The following ROBO1 variants were observed in gnomAD, a reference collection of about 807,000 sequenced individuals.
ROBO1 encodes roundabout guidance receptor 1.
In ROBO1, 149 loss-of-function variants were observed where a neutral mutation model predicts 195.9. The observed-to-expected ratio is 0.76, with a 90% CI of 0.67 to 0.87. ROBO1 has a LOEUF of 0.87. Ranked by LOEUF, ROBO1 falls within the 40% of genes least tolerant of loss-of-function variation. The pLI is 0.00. For missense variants in ROBO1, 1,933 were observed against 2,068.3 expected (o/e 0.93, Z 1.27); for synonymous variants, 816 against 733.2 (o/e 1.11, Z -1.82).
chr3:79,360,089 A>T (rs1235559207), intron 2 of ROBO1, among the ~76,000 whole-genome samples: 4 of 152,076 alleles, frequency 2.6e-5, no homozygotes, highest in African/African-American at 9.7e-5. Context: ...TGTTCTCTGC[A>T]AATGTTTTGG....
At chr3:79,102,685 T>A (rs928155893) in intron 3 of ROBO1, among the ~76,000 whole-genome samples, 4 of 151,856 alleles carry the variant, frequency 2.6e-5, no homozygotes, top group African/African-American at 9.7e-5. Flanking sequence ...TATTTTTACT[T>A]CACTTGGACA....
intron 2 of ROBO1, among the ~76,000 whole-genome samples, chr3:79,505,126 G>C (rs1201336823): frequency 6.6e-6 from 1 of 152,096 alleles, no homozygotes; most frequent in African/African-American, 2.4e-5. Flanking sequence ...GGTGAAACTG[G>C]TGTGAATTTG....
intron 1 of ROBO1, among the ~76,000 whole-genome samples, chr3:79,619,874 C>A (rs1017557502): frequency 2.6e-5 from 4 of 152,060 alleles, no homozygotes; most frequent in African/African-American, 9.7e-5. Flanking sequence ...TGGATTCCAG[C>A]CCTCAAACCC....
At chr3:79,036,472 C>T (rs1456418005) in intron 3 of ROBO1, among the ~76,000 whole-genome samples, 2 of 152,024 alleles carry the variant, frequency 1.3e-5, no homozygotes, top group Non-Finnish European at 2.9e-5. Context: ...ATATAAACAT[C>T]TTTTAAGTCT....
intron 2 of ROBO1, among the ~76,000 whole-genome samples, chr3:79,371,719 C>T (rs754119423): frequency 2.2e-4 from 34 of 152,066 alleles, no homozygotes; most frequent in Non-Finnish European, 3.1e-4. Context: ...ATATTTGTGT[C>T]CCCTGAATTT....
intron 3 of ROBO1, among the ~76,000 whole-genome samples, chr3:79,022,863 C>T (rs1039259921): frequency 3.9e-5 from 6 of 152,040 alleles, no homozygotes; most frequent in Admixed American, 1.3e-4. Flanking sequence ...TCAGTAGTCC[C>T]GTGAAGAAGG....
chr3:79,311,920 G>T (rs1445030611), intron 2 of ROBO1, among the ~76,000 whole-genome samples: 1 of 151,960 alleles, frequency 6.6e-6, no homozygotes, highest in Non-Finnish European at 1.5e-5. Flanking sequence ...AGTGTCTACA[G>T]GTCTCTATAT....
rs182159203 is a variant in ROBO1, at chr3:78,730,039, G to A, written c.658-12156C>T. ...TGAATTTACATACAGTCACAGCTAA[G>A]ACAGCCTGAAATAAAAATCTACAAG... On this transcript the variant is annotated intron_variant, in intron 5 of 30. Coordinates refer to ENST00000464233, the MANE Select transcript of ROBO1 (RefSeq NM_002941.4). 2.3e-3 allele frequency among the ~76,000 whole-genome samples: 353 copies of A among 152,216 alleles called. 3 individuals carry two copies. In the Middle Eastern group the frequency reaches 0.034, roughly 15 times the overall value.
chr3:79,245,778 A>G (rs1221307953), intron 2 of ROBO1, among the ~76,000 whole-genome samples: 6 of 152,046 alleles, frequency 3.9e-5, no homozygotes, highest in East Asian at 1.9e-4. Context: ...CAACCTACAC[A>G]GAGTCAAATC....
At chr3:79,599,461 T>C (rs990238148) in intron 1 of ROBO1, among the ~76,000 whole-genome samples, 5 of 152,034 alleles carry the variant, frequency 3.3e-5, no homozygotes, top group Non-Finnish European at 5.9e-5. Flanking sequence ...GACTATGTTA[T>C]CAAAATGATG....
chr3:79,518,061 A>T (rs1941029454), intron 2 of ROBO1, among the ~76,000 whole-genome samples: 1 of 152,176 alleles, frequency 6.6e-6, no homozygotes, highest in Non-Finnish European at 1.5e-5. Flanking sequence ...TTGCTGTCTG[A>T]GTGGCCTTCT....
rs1212508419 is a variant in ROBO1 at position 78,627,429 on chromosome 3, C to T, written c.3767G>A (p.Ser1256Asn). Residue 1256 changes from serine to asparagine, a missense_variant, in exon 26 of 31, where the codon AGC becomes AAC. Ser to Asn is a conservative substitution (Grantham distance 46). Transcript: ENST00000464233. ...AASSPAAVSYSHQSTATLTPS... is the reference protein window; with the variant it reads ...AASSPAAVSYNHQSTATLTPS... ...AGTCAGAGTGGCAGTGGACTGATGG[C>T]TATAGGACACGGCAGCTGGAGAAGA... The T allele has an allele frequency of 1.2e-6, 2 of 1,612,996 alleles. No homozygotes were observed. The highest frequency in any genetic ancestry group is 1.7e-6 in the Non-Finnish European group (2 of 1,179,550).
intron 4 of ROBO1, among the ~76,000 whole-genome samples, chr3:78,855,945 T>A (rs2034389411): frequency 1.3e-5 from 2 of 152,162 alleles, no homozygotes; most frequent in East Asian, 3.9e-4. Context: ...GATCAAAAAT[T>A]ACTTTTACAT....
chr3:78,607,551 A>G (rs1228698282), intron 28 of ROBO1, among the ~76,000 whole-genome samples: 2 of 152,224 alleles, frequency 1.3e-5, no homozygotes, highest in Non-Finnish European at 2.9e-5. Flanking sequence ...TATCTAGCAC[A>G]GAACCATTGA....
At chr3:79,045,858 T>C (rs568799226) in intron 3 of ROBO1, among the ~76,000 whole-genome samples, 1 of 152,280 alleles carries the variant, frequency 6.6e-6, no homozygotes, top group Non-Finnish European at 1.5e-5. Context: ...TCCTTAATAC[T>C]ACACAAGAGA....
At chr3:79,149,336 C>T (rs537970777) in intron 2 of ROBO1, among the ~76,000 whole-genome samples, 1 of 151,910 alleles carries the variant, frequency 6.6e-6, no homozygotes, top group African/African-American at 2.4e-5. Flanking sequence ...TTGATACTTT[C>T]TTAGAATTTC....
chr3:79,232,132 T>C (rs1217796898), intron 2 of ROBO1, among the ~76,000 whole-genome samples: 6 of 151,754 alleles, frequency 4.0e-5, no homozygotes, highest in African/African-American at 1.5e-4. Flanking sequence ...GATGAAATAA[T>C]CTGTACATCA....
chr3:78,699,587 ATAATAT>A (rs1200933087), intron 8 of ROBO1, among the ~76,000 whole-genome samples: 3 of 150,062 alleles, frequency 2.0e-5, no homozygotes, highest in African/African-American at 4.9e-5. Context: ...AATAATAATA[ATAATAT>A]TAATAATAAT....
intron 4 of ROBO1, among the ~76,000 whole-genome samples, chr3:78,916,189 G>T (rs969910598): frequency 2.7e-5 from 4 of 148,836 alleles, no homozygotes; most frequent in Admixed American, 1.3e-4. Context: ...GGCGGAGCTT[G>T]CAGTGAGCCG....
Sources: gnomAD v4.1 joint callset for allele counts (sites outside exome capture counted in the v4.1 genomes callset) on GRCh38, gnomAD v4.1.1 for gene constraint, MANE v1.5 for transcripts, NCBI Gene and HGNC (gene_info 2026-07-23, HGNC 2026-07-21) for gene names.